The following CACNA1C variants were observed in gnomAD, a reference collection of about 807,000 sequenced individuals.
The protein encoded by CACNA1C is calcium voltage-gated channel subunit alpha1 C.
CACNA1C carries 30 observed loss-of-function variants against 229.0 expected under a neutral mutation model. The observed-to-expected ratio is 0.13, with a 90% CI of 0.10 to 0.18. CACNA1C has a LOEUF of 0.18. CACNA1C is among the 10% of genes least tolerant of loss of function. The pLI, the probability that CACNA1C is intolerant of heterozygous loss-of-function variation, is 1.00. For synonymous variants in CACNA1C, 1,114 were observed against 1,132.5 expected, an observed-to-expected ratio of 0.98 and a Z score of 0.33; for missense variants, 1,658 against 2,845.0, an observed-to-expected ratio of 0.58 and a Z score of 9.49.
At chr12:2,469,255 A>T (rs2099577364) in intron 5 of CACNA1C, among the ~76,000 whole-genome samples, 1 of 152,174 alleles carries the variant, frequency 6.6e-6, no homozygotes, top group Admixed American at 6.5e-5. Flanking sequence ...GCAGCAGATG[A>T]TATTGATGAT....
At chr12:2,519,138 C>A (rs1444703034) in intron 9 of CACNA1C, among the ~76,000 whole-genome samples, 1 of 152,214 alleles carries the variant, frequency 6.6e-6, no homozygotes, top group Non-Finnish European at 1.5e-5. Flanking sequence ...GGGCACATCC[C>A]CATTTATCTT....
At chr12:2,219,507 T>C (rs1331261264) in intron 3 of CACNA1C, among the ~76,000 whole-genome samples, 1 of 152,216 alleles carries the variant, frequency 6.6e-6, no homozygotes, top group Non-Finnish European at 1.5e-5. Flanking sequence ...GTCCATTTAT[T>C]TAAAAAAACT....
At chr12:2,381,378 A>T (rs1462829313) in intron 3 of CACNA1C, among the ~76,000 whole-genome samples, 1 of 152,182 alleles carries the variant, frequency 6.6e-6, no homozygotes, top group Admixed American at 6.5e-5. Context: ...GAACTTCCAA[A>T]CCTAACGTGT....
intron 10 of CACNA1C, among the ~76,000 whole-genome samples, chr12:2,551,298 G>A (rs934879787): frequency 1.3e-5 from 2 of 152,202 alleles, no homozygotes; most frequent in African/African-American, 4.8e-5. Context: ...TTTCAGGAGA[G>A]CATGAGGCTC....
chr12:2,116,483 A>G (rs1277673345), intron 2 of CACNA1C, among the ~76,000 whole-genome samples: 4 of 150,434 alleles, frequency 2.7e-5, no homozygotes, highest in African/African-American at 9.8e-5. Context: ...GTCCTGCCTC[A>G]GCCTCCTGTA....
rs116863388 is a variant in CACNA1C, at chr12:2,165,966, G to T, written c.477+45536G>T. 7.9e-3 allele frequency among the ~76,000 whole-genome samples: 1,196 copies of T among 152,304 alleles called. 6 individuals are homozygous for T. Among genetic ancestry groups the T allele is most frequent in the Middle Eastern group, 0.014 (4 of 294 alleles). ...TTAATAAATACTCAGAGAGCAAAAA[G>T]AAATAATGGAAATGGCATACGTGCA... On this transcript the variant is annotated intron_variant, in intron 3 of 46. Coordinates refer to ENST00000399655, the MANE Select transcript of CACNA1C (RefSeq NM_000719.7).
At chr12:2,372,243 A>T (rs1594464479) in intron 3 of CACNA1C, among the ~76,000 whole-genome samples, 2 of 152,208 alleles carry the variant, frequency 1.3e-5, no homozygotes, top group African/African-American at 4.8e-5. Context: ...ATTCAAAGTA[A>T]GGCTCATTTA....
At chr12:2,027,477 CTATTAA>C (rs1489425484) in intron 1 of CACNA1C, among the ~76,000 whole-genome samples, 1 of 152,198 alleles carries the variant, frequency 6.6e-6, no homozygotes, top group East Asian at 1.9e-4. Context: ...GCTGCGGCTG[CTATTAA>C]TATATTCCTG....
chr12:2,196,959 C>T (rs2097423948), intron 3 of CACNA1C, among the ~76,000 whole-genome samples: 1 of 152,146 alleles, frequency 6.6e-6, no homozygotes, highest in African/African-American at 2.4e-5. Context: ...TAGGGCTTCT[C>T]AGATTTTGAG....
intron 39 of CACNA1C, among the ~76,000 whole-genome samples, chr12:2,675,131 CAA>C (rs939493276): frequency 8.5e-5 from 13 of 152,122 alleles, no homozygotes; most frequent in African/African-American, 2.7e-4. Context: ...CTTTTTATAG[CAA>C]AGAGTTTATA....
intron 1 of CACNA1C, among the ~76,000 whole-genome samples, chr12:2,075,791 GC>G (rs1159257134): frequency 6.6e-6 from 1 of 152,182 alleles, no homozygotes; most frequent in Admixed American, 6.5e-5. Flanking sequence ...CTTGTGCTGT[GC>G]CCCAGGTTTC....
intron 3 of CACNA1C, among the ~76,000 whole-genome samples, chr12:2,334,350 C>T (rs1159640231): frequency 6.6e-6 from 1 of 152,200 alleles, no homozygotes; most frequent in East Asian, 1.9e-4. Context: ...AAAAGGTTGC[C>T]ATGGGTTGAG....
intron 3 of CACNA1C, among the ~76,000 whole-genome samples, chr12:2,265,055 G>A (rs2081840769): frequency 6.6e-6 from 1 of 152,210 alleles, no homozygotes; most frequent in African/African-American, 2.4e-5. Flanking sequence ...ATGAGCTGAG[G>A]TCATTCCTAC....
Position 2,679,738 on chromosome 12 carries a change from C to T in CACNA1C, c.5386C>T (p.Pro1796Ser), listed in dbSNP as rs760430207. 1.3e-6 allele frequency: 2 copies of T among 1,598,620 alleles called. No individual in the cohort carries two copies. The highest frequency in any genetic ancestry group is 1.7e-6 in the Non-Finnish European group (2 of 1,171,618). ...STVSTVEGHG[P>S]PLSPAIRVQE... ...GGTCAGCACTGTGGAGGGCCACGGG[C>T]CCCCCTTGTCCCCTGCCATCCGGGT... Residue 1796 changes from proline (P) to serine (S), a missense_variant, in exon 42 of 47, where the codon CCC becomes TCC. Pro to Ser is a moderately conservative substitution (Grantham distance 74, BLOSUM62 -1). Coordinates refer to ENST00000399655, the MANE Select transcript of CACNA1C (RefSeq NM_000719.7). The surrounding 1 kb of genome is among the most constrained non-coding windows in gnomAD (Gnocchi z 5.5).
At chr12:2,628,552 C>T (rs2088432019) in intron 29 of CACNA1C, among the ~76,000 whole-genome samples, 1 of 152,156 alleles carries the variant, frequency 6.6e-6, no homozygotes, top group Admixed American at 6.5e-5. Context: ...GCTGTTCAGT[C>T]CCACACCCAA....
At chr12:2,247,982 A>G (rs1324928142) in intron 3 of CACNA1C, among the ~76,000 whole-genome samples, 2 of 152,176 alleles carry the variant, frequency 1.3e-5, no homozygotes, top group African/African-American at 4.8e-5. Context: ...CTCAAATATA[A>G]TTAGTTATTT....
intron 3 of CACNA1C, among the ~76,000 whole-genome samples, chr12:2,425,149 G>A (rs2099017326): frequency 6.6e-6 from 1 of 152,258 alleles, no homozygotes; most frequent in Admixed American, 6.5e-5. Context: ...ACCAAAAGCA[G>A]AGAATTGGGT....
chr12:2,494,712 G>A (rs2099743202), intron 7 of CACNA1C, among the ~76,000 whole-genome samples: 1 of 152,228 alleles, frequency 6.6e-6, no homozygotes. Flanking sequence ...TTGGTGCACA[G>A]TATTCTGTCA....
At chr12:2,282,274 T>C (rs562231053) in intron 3 of CACNA1C, among the ~76,000 whole-genome samples, 147 of 152,226 alleles carry the variant, frequency 9.7e-4, no homozygotes, top group African/African-American at 3.4e-3. Context: ...TGGATTAGGG[T>C]ACATCCAATT....
Sources: gnomAD v4.1 joint callset for allele counts (sites outside exome capture counted in the v4.1 genomes callset) on GRCh38, gnomAD v4.1.1 for gene constraint, Gnocchi (gnomAD v3.1) non-coding constraint, MANE v1.5 for transcripts, NCBI Gene and HGNC (gene_info 2026-07-23, HGNC 2026-07-21) for gene names.